LHFPL6: variants seen among roughly 807,000 people sequenced by gnomAD.
LHFPL6 encodes LHFPL tetraspan subfamily member 6, also known as LHFPL tetraspan subfamily member 6 protein.
A neutral mutation model predicts 20.6 loss-of-function variants in LHFPL6; 9 were observed. That is an observed-to-expected ratio of 0.44 (90% CI 0.26 to 0.76). LHFPL6 has a LOEUF of 0.76. Ranked by LOEUF, LHFPL6 falls within the 30% of genes least tolerant of loss-of-function variation. LHFPL6 has a pLI of 0.20. For missense variants in LHFPL6, 218 were observed against 253.5 expected (o/e 0.86, Z 0.95); for synonymous variants, 105 against 98.7 (o/e 1.06, Z -0.38).
chr13:39,583,169 CTTTTTTTT>C (rs34898470), intron 2 of LHFPL6, among the ~76,000 whole-genome samples: 14 of 114,166 alleles, frequency 1.2e-4, no homozygotes, highest in Non-Finnish European at 2.0e-4. Context: ...ATGCCAAATT[CTTTTTTTT>C]TTTTTTTTTT....
chr13:39,415,770 C>T (rs1366682877), intron 2 of LHFPL6, among the ~76,000 whole-genome samples: 2 of 152,230 alleles, frequency 1.3e-5, no homozygotes, highest in African/African-American at 4.8e-5. Flanking sequence ...AGCAAAGCTT[C>T]ATAGTCTCAG....
At chr13:39,378,980 G>T (rs1870367729) in intron 2 of LHFPL6, among the ~76,000 whole-genome samples, 1 of 152,050 alleles carries the variant, frequency 6.6e-6, no homozygotes, top group Non-Finnish European at 1.5e-5. Flanking sequence ...TTTCCCAGGG[G>T]CAGAAAGAAC....
chr13:39,499,693 G>A (rs140009981), intron 2 of LHFPL6, among the ~76,000 whole-genome samples: 1 of 152,320 alleles, frequency 6.6e-6, no homozygotes, highest in East Asian at 1.9e-4. Flanking sequence ...CTTAGTGCTG[G>A]AGAAAGGCAC....
chr13:39,523,766 A>G (rs1295152852), intron 2 of LHFPL6, among the ~76,000 whole-genome samples: 3 of 152,180 alleles, frequency 2.0e-5, no homozygotes, highest in Non-Finnish European at 4.4e-5. Context: ...TATCAATACA[A>G]CACCCATTTA....
At chr13:39,602,551 C>G (rs1872991760) in intron 1 of LHFPL6, among the ~76,000 whole-genome samples, 1 of 152,182 alleles carries the variant, frequency 6.6e-6, no homozygotes, top group African/African-American at 2.4e-5. Context: ...GTGAGGCGCC[C>G]TCGCCAAGAC....
At chr13:39,536,364 T>C (rs1258868812) in intron 2 of LHFPL6, among the ~76,000 whole-genome samples, 1 of 152,150 alleles carries the variant, frequency 6.6e-6, no homozygotes, top group Non-Finnish European at 1.5e-5. Context: ...AGGGGAGCAG[T>C]TAACAGAGTG....
At chr13:39,347,420 A>G (rs1566090333) in intron 3 of LHFPL6, among the ~76,000 whole-genome samples, 3 of 152,250 alleles carry the variant, frequency 2.0e-5, no homozygotes. Flanking sequence ...CTAATACCTG[A>G]AAAACAGTAA....
At chr13:39,365,611 G>A (rs1048393034) in intron 3 of LHFPL6, among the ~76,000 whole-genome samples, 9 of 152,068 alleles carry the variant, frequency 5.9e-5, no homozygotes, top group South Asian at 2.1e-4. Flanking sequence ...AGCAAGTCTC[G>A]GAACAAATCC....
chr13:39,371,603 G>A (rs1017948518), intron 3 of LHFPL6, among the ~76,000 whole-genome samples: 2 of 152,152 alleles, frequency 1.3e-5, no homozygotes, highest in African/African-American at 2.4e-5. Context: ...CACCTGCCAC[G>A]ACTGTCCCTC....
chr13:39,416,041 A>T lies in LHFPL6; in HGVS notation c.386-37515T>A, dbSNP rs528740627. On this transcript the variant is annotated intron_variant, in intron 2 of 3. Coordinates refer to ENST00000379589, the MANE Select transcript of LHFPL6 (RefSeq NM_005780.3). ...ATGTGAAATGAAGAAATGTCCAAGA[A>T]ATGAGATTATGCAGTCTCCTTGGGT... is the stretch of plus-strand genomic sequence containing the variant. Among the ~76,000 whole-genome samples, 11 of 152,332 alleles carry T rather than the reference A, an allele frequency of 7.2e-5. No homozygotes were observed. The Middle Eastern group carries it at 0.014, about 188-fold the overall frequency.
At chr13:39,373,286 C>T (rs1018821595) in intron 3 of LHFPL6, among the ~76,000 whole-genome samples, 1 of 152,190 alleles carries the variant, frequency 6.6e-6, no homozygotes, top group African/African-American at 2.4e-5. Flanking sequence ...TCTCTGCCCA[C>T]TCCTCTGCAG....
intron 2 of LHFPL6, among the ~76,000 whole-genome samples, chr13:39,495,988 T>C (rs1031074284): frequency 2.0e-5 from 3 of 151,952 alleles, no homozygotes; most frequent in African/African-American, 7.3e-5. Flanking sequence ...AAGGGAAATA[T>C]GGATAAAATA....
intron 2 of LHFPL6, among the ~76,000 whole-genome samples, chr13:39,381,822 T>C (rs1406627339): frequency 4.1e-5 from 2 of 49,050 alleles, no homozygotes; most frequent in African/African-American, 1.5e-4. Flanking sequence ...AGCAAATTTA[T>C]AGACAAAAAA....
intron 2 of LHFPL6, among the ~76,000 whole-genome samples, chr13:39,543,144 T>G (rs1870865938): frequency 6.6e-6 from 1 of 152,228 alleles, no homozygotes; most frequent in Non-Finnish European, 1.5e-5. Flanking sequence ...TTTATTTCAT[T>G]TAATGTTTTC....
intron 2 of LHFPL6, among the ~76,000 whole-genome samples, chr13:39,445,236 G>C (rs1321758897): frequency 6.6e-6 from 1 of 152,138 alleles, no homozygotes; most frequent in Non-Finnish European, 1.5e-5. Context: ...TATTATAGCA[G>C]CATGAAATGG....
intron 2 of LHFPL6, among the ~76,000 whole-genome samples, chr13:39,590,164 TA>T (rs951118143): frequency 2.6e-4 from 40 of 151,676 alleles, no homozygotes; most frequent in African/African-American, 8.5e-4. Context: ...TCTCAGCTGT[TA>T]AAAAAAAATT....
intron 2 of LHFPL6, among the ~76,000 whole-genome samples, chr13:39,586,638 G>T (rs1361186974): frequency 1.3e-5 from 2 of 152,128 alleles, no homozygotes; most frequent in African/African-American, 2.4e-5. Flanking sequence ...GTGACAGCAG[G>T]TCTTGACTCT....
At chr13:39,404,996 G>A (rs1871084420) in intron 2 of LHFPL6, among the ~76,000 whole-genome samples, 1 of 152,136 alleles carries the variant, frequency 6.6e-6, no homozygotes, top group African/African-American at 2.4e-5. Flanking sequence ...TTTCTAACAG[G>A]TACTGTGGAG....
intron 3 of LHFPL6, among the ~76,000 whole-genome samples, chr13:39,355,484 A>C (rs1286207357): frequency 6.6e-6 from 1 of 152,178 alleles, no homozygotes; most frequent in Non-Finnish European, 1.5e-5. Context: ...ACAATCAAGT[A>C]TAAAACAACC....
Sources: allele counts gnomAD v4.1 joint callset (sites outside exome capture counted in the v4.1 genomes callset), GRCh38; gene constraint gnomAD v4.1.1; transcripts MANE v1.5; gene names NCBI Gene and HGNC (gene_info 2026-07-23, HGNC 2026-07-21).